AGBL1: variants seen among roughly 807,000 people sequenced by gnomAD.
AGBL1 encodes AGBL carboxypeptidase 1.
AGBL1 carries 130 observed loss-of-function variants against 118.9 expected under a neutral mutation model. The observed-to-expected ratio is 1.09, with a 90% CI of 0.95 to 1.26. The LOEUF is 1.26. Ranked by LOEUF, AGBL1 falls within the 50% of genes most tolerant of loss-of-function variation. The pLI is 0.00. For synonymous variants in AGBL1, 555 were observed against 478.9 expected, an observed-to-expected ratio of 1.16 and a Z score of -2.08; for missense variants, 1,584 against 1,298.1, an observed-to-expected ratio of 1.22 and a Z score of -3.38.
At chr15:86,277,318 A>ATGTGTG (rs5814232) in intron 15 of AGBL1, among the ~76,000 whole-genome samples, 1 of 147,692 alleles carries the variant, frequency 6.8e-6, no homozygotes, top group Non-Finnish European at 1.5e-5. Flanking sequence ...GTGTGTGTGT[A>ATGTGTG]TGTGTGTGTG....
intron 18 of AGBL1, among the ~76,000 whole-genome samples, chr15:86,414,129 C>T (rs1014576751): frequency 2.0e-5 from 3 of 151,916 alleles, no homozygotes; most frequent in South Asian, 4.1e-4. Flanking sequence ...ATAATGTATA[C>T]ACATGAACAT....
At chr15:86,839,541 T>A (rs544597553) in intron 22 of AGBL1, among the ~76,000 whole-genome samples, 109 of 152,290 alleles carry the variant, frequency 7.2e-4, no homozygotes, top group African/African-American at 2.6e-3. Context: ...ACTACTGATA[T>A]TTTAGGTGGG....
chr15:86,371,179 C>T (rs757374704), intron 17 of AGBL1, among the ~76,000 whole-genome samples: 1 of 152,170 alleles, frequency 6.6e-6, no homozygotes, highest in African/African-American at 2.4e-5. Flanking sequence ...GTGTAAGTAC[C>T]TGCAAATCTG....
intron 1 of AGBL1, among the ~76,000 whole-genome samples, chr15:86,101,769 G>C (rs538894546): frequency 1.3e-3 from 200 of 151,952 alleles, no homozygotes; most frequent in African/African-American, 4.4e-3. Context: ...TTCTTTACAG[G>C]TGAGATGAAT....
At chr15:86,409,801 G>T (rs1272774427) in intron 18 of AGBL1, among the ~76,000 whole-genome samples, 8 of 152,072 alleles carry the variant, frequency 5.3e-5, no homozygotes, top group African/African-American at 1.9e-4. Context: ...TCAATGCTTT[G>T]CTCTTTCATT....
chr15:86,761,106 C>G (rs1322883729), intron 22 of AGBL1, among the ~76,000 whole-genome samples: 8 of 152,048 alleles, frequency 5.3e-5, no homozygotes, highest in Non-Finnish European at 1.5e-5. Context: ...CTTCCTTAGA[C>G]AAGTACCCCA....
At chr15:86,081,904 A>T (rs1895311276) in intron 1 of AGBL1, among the ~76,000 whole-genome samples, 1 of 152,220 alleles carries the variant, frequency 6.6e-6, no homozygotes, top group Non-Finnish European at 1.5e-5. Flanking sequence ...GTGAGAATTG[A>T]TAATTGATGT....
intron 22 of AGBL1, among the ~76,000 whole-genome samples, chr15:86,762,793 G>A (rs1236131565): frequency 6.6e-6 from 1 of 151,968 alleles, no homozygotes; most frequent in Non-Finnish European, 1.5e-5. Flanking sequence ...CTCAAAGAAT[G>A]CATTATTTTC....
chr15:86,121,345 A>G (rs1277375793), intron 1 of AGBL1, among the ~76,000 whole-genome samples: 3 of 152,272 alleles, frequency 2.0e-5, no homozygotes, highest in Non-Finnish European at 4.4e-5. Flanking sequence ...TGCCAAAAAT[A>G]TACACCAATG....
At chr15:86,758,668 G>T (rs1410001360) in intron 22 of AGBL1, among the ~76,000 whole-genome samples, 1 of 151,896 alleles carries the variant, frequency 6.6e-6, no homozygotes, top group Admixed American at 6.6e-5. Context: ...ACTCACTTTT[G>T]TTAGAATTTA....
intron 22 of AGBL1, among the ~76,000 whole-genome samples, chr15:86,802,454 C>A (rs985112313): frequency 6.6e-6 from 1 of 152,104 alleles, no homozygotes. Context: ...TTCCACCATG[C>A]ACCTGTTCCT....
At chr15:86,474,649 G>A (rs554242075) in intron 18 of AGBL1, among the ~76,000 whole-genome samples, 5 of 152,340 alleles carry the variant, frequency 3.3e-5, no homozygotes, top group South Asian at 4.1e-4. Flanking sequence ...ACCTCTGGGG[G>A]CAGGGCATAG....
In AGBL1 at chr15:86,517,520, G is replaced by A. The variant is rs148979252; in HGVS notation, c.2556-5290G>A. On this transcript the variant is annotated intron_variant, in intron 18 of 22. Transcript: ENST00000614907. ...TCACAAAGATGACATTTGAACCCAG[G>A]TCAGTTCTTCTGGCTTATCTTTAAA... Among the ~76,000 whole-genome samples the A allele has an allele frequency of 2.0e-5, 3 of 152,308 alleles. No individual in the cohort carries two copies. The East Asian group carries it at 5.8e-4, about 29-fold the overall frequency.
chr15:86,099,049 A>G (rs1010993800), intron 1 of AGBL1, among the ~76,000 whole-genome samples: 3 of 152,106 alleles, frequency 2.0e-5, no homozygotes, highest in African/African-American at 7.2e-5. Context: ...TTGATACGCA[A>G]CATATCAAAA....
chr15:86,992,042 C>A (rs954315752), intron 24 of AGBL1, among the ~76,000 whole-genome samples: 1 of 152,100 alleles, frequency 6.6e-6, no homozygotes, highest in Non-Finnish European at 1.5e-5. Flanking sequence ...ATTCTACAGG[C>A]TGTACAGGAA....
chr15:86,302,798 A>T (rs2079772975), intron 17 of AGBL1, among the ~76,000 whole-genome samples: 1 of 139,182 alleles, frequency 7.2e-6, no homozygotes, highest in African/African-American at 2.9e-5. Context: ...AAAAAAAAAA[A>T]AGTAAATAGA....
intron 22 of AGBL1, among the ~76,000 whole-genome samples, chr15:86,740,352 A>AT (rs1447151510): frequency 6.6e-6 from 1 of 152,302 alleles, no homozygotes; most frequent in African/African-American, 2.4e-5. Flanking sequence ...AGAGGTTAAC[A>AT]TTTTTTGCTC....
intron 17 of AGBL1, among the ~76,000 whole-genome samples, chr15:86,304,614 G>A (rs2079808930): frequency 1.3e-5 from 2 of 152,160 alleles, no homozygotes; most frequent in African/African-American, 4.8e-5. Flanking sequence ...CCCTGAACCT[G>A]TTCTTGCTCC....
chr15:86,789,521 C>T (rs2078462150), intron 22 of AGBL1, among the ~76,000 whole-genome samples: 1 of 152,136 alleles, frequency 6.6e-6, no homozygotes, highest in Admixed American at 6.6e-5. Flanking sequence ...CTTGATTCCA[C>T]CCTCTTGGAA....
Sources: gnomAD v4.1 joint callset for allele counts (sites outside exome capture counted in the v4.1 genomes callset) on GRCh38, gnomAD v4.1.1 for gene constraint, MANE v1.5 for transcripts, NCBI Gene and HGNC (gene_info 2026-07-23, HGNC 2026-07-21) for gene names.